The following RBFOX1 variants were observed in gnomAD, a reference collection of about 807,000 sequenced individuals.
RBFOX1 encodes the protein RNA binding protein fox-1 homolog 1.
In RBFOX1, 8 loss-of-function variants were observed where a neutral mutation model predicts 57.7. The observed-to-expected ratio is 0.14, with a 90% confidence interval of 0.08 to 0.25. The LOEUF is 0.25. RBFOX1 is among the 10% of genes least tolerant of loss of function. The pLI, the probability that RBFOX1 is intolerant of heterozygous loss-of-function variation, is 1.00. For missense variants in RBFOX1, 611 were observed against 548.5 expected (o/e 1.11, Z -1.14); for synonymous variants, 326 against 222.4 (o/e 1.47, Z -4.15).
rs552073290 is a variant in RBFOX1 at position 6,072,731 on chromosome 16, G to C, written c.-127+52739G>C. Among the ~76,000 whole-genome samples, 24 of 151,746 alleles carry C rather than the reference G, an allele frequency of 1.6e-4. No homozygotes were observed. The Middle Eastern group carries it at 0.01, about 65-fold the overall frequency. On this transcript the variant is annotated intron_variant, in intron 1 of 15. Coordinates refer to ENST00000550418, the MANE Select transcript of RBFOX1 (RefSeq NM_018723.4). ...CCTATGTTTAGTGAGCTGTATTATG[G>C]GCTTAAAATTTGCTAAGATTTCCCT...
intron 3 of RBFOX1, among the ~76,000 whole-genome samples, chr16:7,040,950 C>T (rs1408863671): frequency 1.3e-5 from 2 of 150,682 alleles, no homozygotes; most frequent in South Asian, 2.1e-4. Flanking sequence ...GAGTCTTGCT[C>T]TGTCCCCCAG....
chr16:6,210,109 G>A (rs747224080), intron 1 of RBFOX1, among the ~76,000 whole-genome samples: 6 of 151,840 alleles, frequency 4.0e-5, no homozygotes, highest in Non-Finnish European at 5.9e-5. Flanking sequence ...CCTGAGGTCA[G>A]GAGTTCGAGA....
At chr16:5,796,966 G>C (rs1567554153) in intron 3 of RBFOX1, among the ~76,000 whole-genome samples, 1 of 152,186 alleles carries the variant, frequency 6.6e-6, no homozygotes, top group Non-Finnish European at 1.5e-5. Flanking sequence ...GCCTTTTAGA[G>C]TTTATATTCC....
chr16:5,297,399 C>T (rs921523585), intron 1 of RBFOX1, among the ~76,000 whole-genome samples: 1 of 152,196 alleles, frequency 6.6e-6, no homozygotes, highest in Non-Finnish European at 1.5e-5. Flanking sequence ...TCCTCACCAA[C>T]ACTTGTTATC....
intron 3 of RBFOX1, among the ~76,000 whole-genome samples, chr16:5,830,713 T>C (rs1420765497): frequency 6.6e-6 from 1 of 152,176 alleles, no homozygotes; most frequent in Non-Finnish European, 1.5e-5. Context: ...TGCCCTAGAA[T>C]AACACTGCCA....
At chr16:5,240,378 G>A (rs924120257) in intron 1 of RBFOX1, among the ~76,000 whole-genome samples, 1 of 152,162 alleles carries the variant, frequency 6.6e-6, no homozygotes, top group African/African-American at 2.4e-5. Flanking sequence ...GGGAGGGGGA[G>A]CCCCGCGTCC....
chr16:6,528,081 TCA>T (rs533562227), intron 2 of RBFOX1, among the ~76,000 whole-genome samples: 8 of 152,188 alleles, frequency 5.3e-5, no homozygotes, highest in Non-Finnish European at 8.8e-5. Flanking sequence ...CAAAATCTTG[TCA>T]CCTTCAGGAA....
chr16:6,189,389 A>G lies in RBFOX1; in HGVS notation c.-126-127606A>G, dbSNP rs976962594. ...CACAGGTGTCTCTTTTTGCCAACTC[A>G]TCATAAACTCCTCAGCTGTTAATGC... On this transcript the variant is annotated intron_variant, in intron 1 of 15. Coordinates refer to ENST00000550418, the MANE Select transcript of RBFOX1 (RefSeq NM_018723.4). Among the ~76,000 whole-genome samples, 8 of 152,326 alleles carry G rather than the reference A, an allele frequency of 5.3e-5. No individual in the cohort carries two copies. In the South Asian group the frequency reaches 1.2e-3, roughly 24 times the overall value.
At chr16:5,945,377 T>G (rs2059381022) in intron 4 of RBFOX1, among the ~76,000 whole-genome samples, 1 of 152,196 alleles carries the variant, frequency 6.6e-6, no homozygotes, top group South Asian at 2.1e-4. Context: ...CATTATACTT[T>G]GAGGAATGGT....
At chr16:6,229,147 C>T (rs1488365156) in intron 1 of RBFOX1, among the ~76,000 whole-genome samples, 1 of 152,070 alleles carries the variant, frequency 6.6e-6, no homozygotes, top group Non-Finnish European at 1.5e-5. Flanking sequence ...AATGACATCT[C>T]CTTACCTTTT....
intron 3 of RBFOX1, among the ~76,000 whole-genome samples, chr16:6,696,228 A>G (rs748037157): frequency 2.6e-4 from 39 of 152,232 alleles, no homozygotes; most frequent in Admixed American, 3.3e-4. Flanking sequence ...GAGGTATACA[A>G]TATCTGTTTG....
chr16:7,501,349 T>A (rs2070781617), intron 4 of RBFOX1, among the ~76,000 whole-genome samples: 1 of 152,240 alleles, frequency 6.6e-6, no homozygotes, highest in Non-Finnish European at 1.5e-5. Context: ...CTTCCATTCA[T>A]AAGACAAAGG....
chr16:5,687,978 T>A (rs1242817788), intron 3 of RBFOX1, among the ~76,000 whole-genome samples: 1 of 152,234 alleles, frequency 6.6e-6, no homozygotes. Flanking sequence ...GTAATTTTTC[T>A]TCTCGTTCTC....
chr16:6,958,630 G>C (rs1415105033), intron 3 of RBFOX1, among the ~76,000 whole-genome samples: 1 of 152,156 alleles, frequency 6.6e-6, no homozygotes, highest in South Asian at 2.1e-4. Flanking sequence ...GGGATGTGAT[G>C]CTATTGGCTA....
chr16:6,728,388 T>A (rs1374792676), intron 3 of RBFOX1, among the ~76,000 whole-genome samples: 2 of 152,234 alleles, frequency 1.3e-5, no homozygotes. Context: ...TGTTTCTTCT[T>A]CTAGAAGAGG....
At chr16:7,426,037 G>C (rs1385170179) in intron 4 of RBFOX1, among the ~76,000 whole-genome samples, 5 of 152,336 alleles carry the variant, frequency 3.3e-5, no homozygotes, top group Non-Finnish European at 5.9e-5. Flanking sequence ...TGTCGGGAGA[G>C]ACCCACTGAG....
At chr16:6,717,751 A>C (rs2065120469) in intron 3 of RBFOX1, among the ~76,000 whole-genome samples, 1 of 152,150 alleles carries the variant, frequency 6.6e-6, no homozygotes, top group Admixed American at 6.6e-5. Context: ...GGGATGTGTC[A>C]TTAGTATGTG....
chr16:6,805,081 C>A (rs998990144), intron 3 of RBFOX1, among the ~76,000 whole-genome samples: 18 of 152,094 alleles, frequency 1.2e-4, no homozygotes, highest in African/African-American at 4.3e-4. Context: ...ACCATAAAGA[C>A]CCATGCACGT....
chr16:6,909,836 G>C (rs2071096124), intron 3 of RBFOX1, among the ~76,000 whole-genome samples: 1 of 152,094 alleles, frequency 6.6e-6, no homozygotes. Flanking sequence ...GTGTGCAGTT[G>C]GGGGTGTCTG....
Sources: allele counts gnomAD v4.1 joint callset (sites outside exome capture counted in the v4.1 genomes callset), GRCh38; gene constraint gnomAD v4.1.1; transcripts MANE v1.5; gene names NCBI Gene and HGNC (gene_info 2026-07-23, HGNC 2026-07-21).